The following CACNA1D variants were observed in gnomAD, a reference collection of about 807,000 sequenced individuals.
CACNA1D encodes voltage-dependent L-type calcium channel subunit alpha-1D.
A neutral mutation model predicts 257.1 loss-of-function variants in CACNA1D; 55 were observed. The observed-to-expected ratio is 0.21, with a 90% CI of 0.17 to 0.27. The LOEUF is 0.27. Ranked by LOEUF, CACNA1D falls within the 10% of genes least tolerant of loss-of-function variation. The probability of loss-of-function intolerance (pLI) is 1.00; values close to 1 mark genes in which losing one functional copy is unlikely to be tolerated. For missense variants in CACNA1D, 1,876 were observed against 2,784.0 expected (o/e 0.67, Z 7.34); for synonymous variants, 980 against 1,014.9 (o/e 0.97, Z 0.65).
intron 44 of CACNA1D, among the ~76,000 whole-genome samples, chr3:53,804,413 G>A (rs901405559): frequency 6.6e-6 from 1 of 152,200 alleles, no homozygotes; most frequent in African/African-American, 2.4e-5. Context: ...CACTCCGTCT[G>A]CTGGCCTCAT....
At chr3:53,557,589 A>C (rs2092670213) in intron 3 of CACNA1D, among the ~76,000 whole-genome samples, 1 of 152,242 alleles carries the variant, frequency 6.6e-6, no homozygotes, top group Non-Finnish European at 1.5e-5. Flanking sequence ...TTTCTTTTGC[A>C]TATGAATGTT....
Position 53,726,983 on chromosome 3 carries a change from C to T in CACNA1D, c.2205C>T (p.Leu735=). Residue 735 remains leucine, a synonymous_variant, in exon 15 of 48, where the codon CTC becomes CTT. Coordinates refer to ENST00000350061, the MANE Select transcript of CACNA1D (RefSeq NM_001128840.3). ...TCGTCTGCATCTACTTCATCATCCT[C>T]TTCATTTGTGGTAACTGTATCCTTC... The part of the protein sequence containing the change: ...GMIVCIYFII[L]FICGNYILLN... The T allele has an allele frequency of 1.2e-6, 2 of 1,614,208 alleles. No individual in the cohort carries two copies. The highest frequency in any genetic ancestry group is 1.7e-6 in the Non-Finnish European group (2 of 1,180,028).
At chr3:53,713,971 C>T (rs1456781871) in intron 9 of CACNA1D, among the ~76,000 whole-genome samples, 1 of 152,172 alleles carries the variant, frequency 6.6e-6, no homozygotes. Context: ...ATCCCAATGC[C>T]TGGAATAGAT....
At chr3:53,593,669 G>A (rs779300929) in intron 3 of CACNA1D, among the ~76,000 whole-genome samples, 21 of 152,292 alleles carry the variant, frequency 1.4e-4, no homozygotes, top group Non-Finnish European at 3.1e-4. Flanking sequence ...TGAAAGGAAA[G>A]GGCAGTGGGT....
At chr3:53,722,762 C>T (rs558798543) in intron 12 of CACNA1D, among the ~76,000 whole-genome samples, 68 of 152,330 alleles carry the variant, frequency 4.5e-4, no homozygotes, top group African/African-American at 1.6e-3. Flanking sequence ...GTAATCCCTG[C>T]TCCCTGCCCT....
rs898412 is a variant in CACNA1D, at chr3:53,617,491, T to C, written c.484-33288T>C. Among the ~76,000 whole-genome samples the C allele has an allele frequency of 4.2e-3, 641 of 152,182 alleles. 23 individuals carry two copies. In the East Asian group the frequency reaches 0.084, roughly 20 times the overall value. On this transcript the variant is annotated intron_variant, in intron 3 of 47. Transcript: ENST00000350061. Reference sequence around the variant, plus strand: ...TTTCATAAACCCTAGGGTTTAGGGGTGTTATGACAATTAAGTGACGCATTG... The same window carrying C: ...TTTCATAAACCCTAGGGTTTAGGGGCGTTATGACAATTAAGTGACGCATTG...
At chr3:53,644,844 T>C (rs2094002471) in intron 3 of CACNA1D, among the ~76,000 whole-genome samples, 1 of 152,192 alleles carries the variant, frequency 6.6e-6, no homozygotes. Flanking sequence ...TTCCCAGAAG[T>C]GGGATCACTG....
chr3:53,743,999 A>G (rs2095142474), intron 22 of CACNA1D, among the ~76,000 whole-genome samples: 1 of 152,128 alleles, frequency 6.6e-6, no homozygotes, highest in Non-Finnish European at 1.5e-5. Flanking sequence ...ATTAACTCCC[A>G]GGCTGTTCAT....
chr3:53,695,657 A>G (rs1310017692), intron 8 of CACNA1D, among the ~76,000 whole-genome samples: 2 of 152,196 alleles, frequency 1.3e-5, no homozygotes, highest in Non-Finnish European at 2.9e-5. Context: ...CAGGCGTCAT[A>G]GGTGTTTTTC....
At chr3:53,571,942 G>A (rs547497338) in intron 3 of CACNA1D, among the ~76,000 whole-genome samples, 121 of 152,276 alleles carry the variant, frequency 7.9e-4, no homozygotes, top group African/African-American at 2.6e-3. Context: ...GACCCTCAGC[G>A]ATTGGACTCA....
chr3:53,692,190 G>C lies in CACNA1D; in HGVS notation c.1221-10451G>C, dbSNP rs528558414. ...GGAACCAGTATACAAAGATAAGACA[G>C]ACACAGCCCCTCCTTAACAGAGTTT... On this transcript the variant is annotated intron_variant, in intron 8 of 47. Coordinates refer to ENST00000350061, the MANE Select transcript of CACNA1D (RefSeq NM_001128840.3). 2.6e-5 allele frequency among the ~76,000 whole-genome samples: 4 copies of C among 151,938 alleles called. No individual in the cohort carries two copies. In the South Asian group the frequency reaches 6.2e-4, roughly 24 times the overall value.
chr3:53,521,018 T>C (rs1164887776), intron 3 of CACNA1D, among the ~76,000 whole-genome samples: 1 of 151,598 alleles, frequency 6.6e-6, no homozygotes, highest in Non-Finnish European at 1.5e-5. Context: ...TTTCTTTCTT[T>C]CCTTTTTTCC....
At chr3:53,566,392 C>T (rs1455674963) in intron 3 of CACNA1D, among the ~76,000 whole-genome samples, 1 of 152,152 alleles carries the variant, frequency 6.6e-6, no homozygotes, top group Non-Finnish European at 1.5e-5. Context: ...GTTTGGTTTA[C>T]TCCTGATTAC....
Position 53,673,824 on chromosome 3 carries a change from G to T in CACNA1D, c.1220+698G>T. ...TCTTGGTGTCCTTAGTGGGTAAGCAGTCGGATCCGTGTTGCACCTTCTCCT... is the reference window on the plus strand; with the variant it reads ...TCTTGGTGTCCTTAGTGGGTAAGCATTCGGATCCGTGTTGCACCTTCTCCT... On this transcript the variant is annotated intron_variant, in intron 8 of 47. Transcript: ENST00000350061. This position sits in a 1 kb window ranked among gnomAD's most constrained non-coding sequence, Gnocchi z 4.1. The T allele has an allele frequency of 6.3e-7, 1 of 1,580,734 alleles. No homozygotes were observed. The highest frequency in any genetic ancestry group is 1.7e-5 in the Admixed American group (1 of 59,972).
rs541325331 is a variant in CACNA1D, at chr3:53,649,656, T to C, written c.484-1123T>C. Among the ~76,000 whole-genome samples the C allele has an allele frequency of 2.0e-5, 3 of 152,354 alleles. No homozygotes were observed. The South Asian group carries it at 6.2e-4, about 32-fold the overall frequency. Reference sequence around the variant, plus strand: ...CCTGAGCCTATTTTATTTTGACCTCTTGCCCTAGGCATTTTAATGAGTGAA... The same window carrying C: ...CCTGAGCCTATTTTATTTTGACCTCCTGCCCTAGGCATTTTAATGAGTGAA... On this transcript the variant is annotated intron_variant, in intron 3 of 47. Transcript: ENST00000350061.
At chr3:53,730,702 A>G (rs1023835202) in intron 16 of CACNA1D, 146 bp downstream of exon 16, 29 of 701,018 alleles carry the variant, frequency 4.1e-5, no homozygotes, top group Non-Finnish European at 7.3e-5. Context: ...CATGCACTGC[A>G]GACCAAAACG....
At chr3:53,515,302 G>A (rs1270463395) in intron 3 of CACNA1D, among the ~76,000 whole-genome samples, 1 of 152,184 alleles carries the variant, frequency 6.6e-6, no homozygotes, top group Non-Finnish European at 1.5e-5. Flanking sequence ...ATGTTGCTCA[G>A]AAGAGGAAAT....
chr3:53,712,684 C>T (rs2094772419), intron 9 of CACNA1D, among the ~76,000 whole-genome samples: 1 of 152,144 alleles, frequency 6.6e-6, no homozygotes, highest in Admixed American at 6.5e-5. Flanking sequence ...ACAACTCAGC[C>T]ACTGCTCAGT....
intron 3 of CACNA1D, among the ~76,000 whole-genome samples, chr3:53,511,393 C>G (rs567798200): frequency 6.6e-5 from 10 of 152,132 alleles, no homozygotes; most frequent in Non-Finnish European, 1.5e-4. Context: ...GGGTTTTTAT[C>G]CTTTCGACAA....
Sources: allele counts gnomAD v4.1 joint callset (sites outside exome capture counted in the v4.1 genomes callset), GRCh38; gene constraint gnomAD v4.1.1; non-coding constraint Gnocchi (gnomAD v3.1); transcripts MANE v1.5; gene names NCBI Gene and HGNC (gene_info 2026-07-23, HGNC 2026-07-21).